The following NOL4 variants were observed in gnomAD, a reference collection of about 807,000 sequenced individuals.
NOL4 encodes the protein cancer/testis antigen 125.
NOL4 carries 17 observed loss-of-function variants against 75.9 expected under a neutral mutation model. The observed-to-expected ratio is 0.22, with a 90% CI of 0.15 to 0.34. The LOEUF (loss-of-function observed/expected upper bound fraction) is 0.34. NOL4 is among the 10% of genes least tolerant of loss of function. The pLI is 1.00. For synonymous variants in NOL4, 292 were observed against 289.9 expected (o/e 1.01, Z -0.07); for missense variants, 614 against 793.5 (o/e 0.77, Z 2.72).
intron 9 of NOL4, among the ~76,000 whole-genome samples, chr18:33,937,147 A>C (rs1013981798): frequency 6.6e-6 from 1 of 152,048 alleles, no homozygotes; most frequent in African/African-American, 2.4e-5. Flanking sequence ...TGCTATATAT[A>C]TTCCAAACTG....
chr18:33,937,009 C>A (rs975270675), intron 9 of NOL4, among the ~76,000 whole-genome samples: 2 of 151,626 alleles, frequency 1.3e-5, no homozygotes, highest in East Asian at 1.9e-4. Flanking sequence ...AGAAAAGAAC[C>A]CACAAATTTT....
chr18:33,934,870 T>G (rs1018592713), intron 9 of NOL4, among the ~76,000 whole-genome samples: 2 of 150,810 alleles, frequency 1.3e-5, no homozygotes, highest in Admixed American at 6.6e-5. Flanking sequence ...ACGTTTTTTT[T>G]TTTTTTTTTT....
chr18:33,925,731 G>C (rs2067285550), intron 9 of NOL4, among the ~76,000 whole-genome samples: 1 of 152,074 alleles, frequency 6.6e-6, no homozygotes, highest in Non-Finnish European at 1.5e-5. Context: ...TGCTGTGTTG[G>C]TCTTTTTTCT....
chr18:34,222,729 G>A (rs577402249), intron 1 of NOL4, among the ~76,000 whole-genome samples: 3 of 152,226 alleles, frequency 2.0e-5, no homozygotes, highest in Admixed American at 2.0e-4. Flanking sequence ...CCTGCAGCCG[G>A]TCCGGGAACC....
chr18:34,150,822 G>T (rs1488510634), intron 1 of NOL4, among the ~76,000 whole-genome samples: 1 of 151,658 alleles, frequency 6.6e-6, no homozygotes, highest in Non-Finnish European at 1.5e-5. Context: ...CAGACTGGAA[G>T]AAGACAAGCC....
chr18:34,021,135 G>GTTAA (rs1254572252), intron 5 of NOL4, among the ~76,000 whole-genome samples: 1 of 152,154 alleles, frequency 6.6e-6, no homozygotes, highest in African/African-American at 2.4e-5. Flanking sequence ...CCAATATGGG[G>GTTAA]TTAAGTATTT....
At chr18:33,970,249 T>G (rs1053090441) in intron 6 of NOL4, among the ~76,000 whole-genome samples, 1 of 152,196 alleles carries the variant, frequency 6.6e-6, no homozygotes, top group Non-Finnish European at 1.5e-5. Context: ...AACCCAGATA[T>G]GTAATATTTG....
chr18:34,092,679 T>C (rs2078583999), intron 5 of NOL4, among the ~76,000 whole-genome samples: 1 of 152,178 alleles, frequency 6.6e-6, no homozygotes, highest in Admixed American at 6.6e-5. Context: ...AATACACAAA[T>C]TTTGAATATA....
chr18:33,907,323 CAAA>C (rs35702916), intron 9 of NOL4, among the ~76,000 whole-genome samples: 8 of 79,692 alleles, frequency 1.0e-4, no homozygotes, highest in African/African-American at 1.4e-4. Context: ...GACTCCATTT[CAAA>C]AAAAAAAAAA....
At chr18:34,129,350 G>A (rs2080528315) in intron 2 of NOL4, among the ~76,000 whole-genome samples, 2 of 151,458 alleles carry the variant, frequency 1.3e-5, no homozygotes, top group Admixed American at 1.3e-4. Context: ...TTCTATCCTG[G>A]AAAATTAAGA....
rs192129941 is a variant in NOL4, at chr18:34,142,000, C to T, written c.265-11980G>A. On this transcript the variant is annotated intron_variant, in intron 1 of 10. Transcript: ENST00000261592. ...CAAATTTACAAAAAAAACAAACAAC[C>T]CCAACAAAAAGTGGGCAAAGGACAT... Among the ~76,000 whole-genome samples the T allele has an allele frequency of 6.5e-3, 982 of 152,140 alleles. 10 individuals are homozygous for T. Among genetic ancestry groups the T allele is most frequent in the African/African-American group, 0.021 (892 of 41,506 alleles).
At chr18:33,899,422 T>C (rs965827061) in intron 9 of NOL4, among the ~76,000 whole-genome samples, 1 of 152,162 alleles carries the variant, frequency 6.6e-6, no homozygotes, top group Non-Finnish European at 1.5e-5. Context: ...TGTCTCTCAA[T>C]GCATTGGCTG....
Position 34,049,082 on chromosome 18 carries a change from A to G in NOL4, c.773-29481T>C, listed in dbSNP as rs978674480. Among the ~76,000 whole-genome samples the G allele has an allele frequency of 4.7e-4, 59 of 126,128 alleles. 1 individual carries two copies. Among genetic ancestry groups the G allele is most frequent in the East Asian group, 1.8e-3 (9 of 4,904 alleles). The allele number at this position is 126,128 out of a possible 152,430, so 82.7% of individuals were successfully genotyped here. On this transcript the variant is annotated intron_variant, in intron 5 of 10. Coordinates refer to ENST00000261592, the MANE Select transcript of NOL4 (RefSeq NM_003787.5). ...GTTAGATACAGGCGCGCGCACACAC[A>G]CACACACACACACACACACACACAC... is the stretch of plus-strand genomic sequence containing the variant.
intron 6 of NOL4, among the ~76,000 whole-genome samples, chr18:34,004,930 A>G (rs1456914433): frequency 1.3e-5 from 2 of 152,012 alleles, no homozygotes; most frequent in Non-Finnish European, 2.9e-5. Context: ...GCTTTTCTTG[A>G]TGCCTTGGGA....
chr18:34,059,122 C>CATATATAT (rs55773398), intron 5 of NOL4, among the ~76,000 whole-genome samples: 5,442 of 117,530 alleles, frequency 0.046, 158 homozygotes, highest in Non-Finnish European at 0.052. Flanking sequence ...GATAGATATA[C>CATATATAT]ATATATATAT....
At chr18:34,134,630 C>A (rs2080816556) in intron 1 of NOL4, among the ~76,000 whole-genome samples, 1 of 151,978 alleles carries the variant, frequency 6.6e-6, no homozygotes, top group African/African-American at 2.4e-5. Context: ...TTGAACAATA[C>A]TTAAAATTTA....
chr18:33,879,151 T>C (rs1156781604), intron 10 of NOL4, among the ~76,000 whole-genome samples: 2 of 152,152 alleles, frequency 1.3e-5, no homozygotes, highest in Non-Finnish European at 2.9e-5. Context: ...TAAATATATA[T>C]AGTTCCAAAG....
At chr18:34,061,936 T>A (rs899007311) in intron 5 of NOL4, among the ~76,000 whole-genome samples, 1 of 152,100 alleles carries the variant, frequency 6.6e-6, no homozygotes, top group African/African-American at 2.4e-5. Flanking sequence ...AGGAACTACC[T>A]CTTTCTTCAA....
chr18:33,929,724 G>C (rs905546348), intron 9 of NOL4, among the ~76,000 whole-genome samples: 9 of 152,220 alleles, frequency 5.9e-5, no homozygotes, highest in African/African-American at 2.2e-4. Flanking sequence ...TCTGCCATAT[G>C]ATGACTGCTT....
Sources: allele counts gnomAD v4.1 joint callset (sites outside exome capture counted in the v4.1 genomes callset), GRCh38; gene constraint gnomAD v4.1.1; transcripts MANE v1.5; gene names NCBI Gene and HGNC (gene_info 2026-07-23, HGNC 2026-07-21).